The following SDK1 variants were observed in gnomAD, a reference collection of about 807,000 sequenced individuals.
The protein encoded by SDK1 is sidekick cell adhesion molecule 1.
Under a neutral mutation model 245.5 loss-of-function variants are expected in SDK1, and 157 were observed. The ratio of observed to expected loss-of-function variants is 0.64; its 90% CI spans 0.56 to 0.73. The LOEUF is 0.73. SDK1 is among the 30% of genes least tolerant of loss of function. The probability of loss-of-function intolerance (pLI) is 0.00; values close to 1 mark genes in which losing one functional copy is unlikely to be tolerated. For synonymous variants in SDK1, 1,647 were observed against 1,278.5 expected (o/e 1.29, Z -6.15); for missense variants, 3,583 against 3,002.3 (o/e 1.19, Z -4.52).
chr7:3,580,996 C>CAAAAAAAAAAAAAAAAAAAAAAAAAAA (rs1418335916), intron 1 of SDK1, among the ~76,000 whole-genome samples: 1 of 92,950 alleles, frequency 1.1e-5, no homozygotes, highest in African/African-American at 4.4e-5. Context: ...AAAAAAAAAC[C>CAAAAAAAAAAAAAAAAAAAAAAAAAAA]AAAACAAAAC....
intron 1 of SDK1, among the ~76,000 whole-genome samples, chr7:3,539,508 G>A (rs749003990): frequency 4.6e-5 from 7 of 152,150 alleles, no homozygotes; most frequent in Non-Finnish European, 8.8e-5. Context: ...GTTTCTGCCC[G>A]CCTTGAAAGT....
intron 25 of SDK1, among the ~76,000 whole-genome samples, chr7:4,119,305 A>G (rs1285619402): frequency 6.8e-6 from 1 of 147,884 alleles, no homozygotes; most frequent in Non-Finnish European, 1.5e-5. Flanking sequence ...ACTATAGAAA[A>G]TTAGCCAGGC....
At chr7:3,972,272 C>T (rs1034902003) in intron 12 of SDK1, among the ~76,000 whole-genome samples, 4 of 151,878 alleles carry the variant, frequency 2.6e-5, no homozygotes, top group Admixed American at 6.6e-5. Flanking sequence ...GTAGAGACGG[C>T]GTTTCACCAT....
At chr7:4,027,928 T>C (rs1037183619) in intron 17 of SDK1, among the ~76,000 whole-genome samples, 3 of 148,796 alleles carry the variant, frequency 2.0e-5, no homozygotes, top group African/African-American at 7.5e-5. Context: ...AATTAGGATC[T>C]AGATAGAATA....
chr7:3,711,044 C>A (rs993840276), intron 4 of SDK1, among the ~76,000 whole-genome samples: 1 of 152,050 alleles, frequency 6.6e-6, no homozygotes, highest in Admixed American at 6.6e-5. Context: ...TTTGTGTATT[C>A]ATAAGGTATA....
At chr7:3,830,172 A>G (rs1562475765) in intron 5 of SDK1, among the ~76,000 whole-genome samples, 1 of 152,112 alleles carries the variant, frequency 6.6e-6, no homozygotes, top group Non-Finnish European at 1.5e-5. Context: ...TCACCCAGGG[A>G]GTAAGGCAAG....
chr7:3,873,728 C>T (rs767281943), intron 5 of SDK1, among the ~76,000 whole-genome samples: 9 of 152,080 alleles, frequency 5.9e-5, no homozygotes, highest in Non-Finnish European at 1.2e-4. Context: ...CTCATGAGCC[C>T]ATCAAAAGCA....
intron 1 of SDK1, among the ~76,000 whole-genome samples, chr7:3,567,082 A>C (rs190616811): frequency 6.6e-6 from 1 of 152,162 alleles, no homozygotes; most frequent in African/African-American, 2.4e-5. Context: ...TAGATAATTG[A>C]ATAAGGGATA....
At chr7:3,462,840 C>T (rs915597842) in intron 1 of SDK1, among the ~76,000 whole-genome samples, 2 of 152,182 alleles carry the variant, frequency 1.3e-5, no homozygotes, top group African/African-American at 4.8e-5. Flanking sequence ...TCTAGTCTGT[C>T]TGGGACTCAT....
intron 1 of SDK1, among the ~76,000 whole-genome samples, chr7:3,586,364 G>A (rs919986687): frequency 6.6e-6 from 1 of 151,990 alleles, no homozygotes; most frequent in Non-Finnish European, 1.5e-5. Context: ...GGAATTCACA[G>A]CAAATTGAGG....
At position 3,457,442 on chromosome 7, in the gene SDK1, C is replaced by G. The variant is rs77725184; in HGVS notation, c.298+155558C>G. On this transcript the variant is annotated intron_variant, in intron 1 of 44. Transcript: ENST00000404826. ...CACAATGTCTTCTTATCTCCCTTTA[C>G]CTTCCCACTGTCACAACTTGTGGTT... Among the ~76,000 whole-genome samples the G allele has an allele frequency of 6.3e-3, 957 of 152,228 alleles. 4 individuals are homozygous for G. The highest frequency in any genetic ancestry group is 0.014 in the Middle Eastern group (4 of 294).
intron 1 of SDK1, among the ~76,000 whole-genome samples, chr7:3,554,994 A>T (rs1277714773): frequency 6.6e-6 from 1 of 152,194 alleles, no homozygotes; most frequent in Non-Finnish European, 1.5e-5. Context: ...ATATTGTTCA[A>T]ATGTCCATAT....
chr7:3,838,857 A>C (rs569411962), intron 5 of SDK1, among the ~76,000 whole-genome samples: 18 of 152,288 alleles, frequency 1.2e-4, no homozygotes, highest in African/African-American at 4.1e-4. Context: ...CTCTATCAAA[A>C]ACAGGGAAAT....
At chr7:3,359,372 G>A (rs796234617) in intron 1 of SDK1, among the ~76,000 whole-genome samples, 4 of 152,256 alleles carry the variant, frequency 2.6e-5, no homozygotes, top group African/African-American at 9.6e-5. Context: ...TTTTGTCTAA[G>A]GTTAAGTTTT....
At chr7:3,864,366 G>C (rs1399370286) in intron 5 of SDK1, among the ~76,000 whole-genome samples, 1 of 152,186 alleles carries the variant, frequency 6.6e-6, no homozygotes, top group African/African-American at 2.4e-5. Flanking sequence ...GGGAGGGAAA[G>C]AAGGTCGATA....
chr7:3,917,628 A>G (rs1779430568), intron 5 of SDK1, among the ~76,000 whole-genome samples: 1 of 152,050 alleles, frequency 6.6e-6, no homozygotes, highest in Admixed American at 6.6e-5. Context: ...AGCCTGATGA[A>G]CCACACTCCT....
chr7:3,567,120 A>G (rs1422607792), intron 1 of SDK1, among the ~76,000 whole-genome samples: 2 of 152,230 alleles, frequency 1.3e-5, no homozygotes. Context: ...CATTAAGGCA[A>G]GCTGCCCTTG....
intron 31 of SDK1, among the ~76,000 whole-genome samples, chr7:4,159,841 T>A (rs1364264544): frequency 6.6e-6 from 1 of 152,270 alleles, no homozygotes; most frequent in Non-Finnish European, 1.5e-5. Context: ...ATTTCTAGAT[T>A]ACTCATGAGA....
chr7:3,533,233 A>G (rs1783409027), intron 1 of SDK1, among the ~76,000 whole-genome samples: 1 of 152,202 alleles, frequency 6.6e-6, no homozygotes, highest in Admixed American at 6.5e-5. Flanking sequence ...GACTCTGATT[A>G]GAATCCTATT....
Sources: gnomAD v4.1 joint callset for allele counts (sites outside exome capture counted in the v4.1 genomes callset) on GRCh38, gnomAD v4.1.1 for gene constraint, MANE v1.5 for transcripts, NCBI Gene and HGNC (gene_info 2026-07-23, HGNC 2026-07-21) for gene names.